Variants in ADAMTS17 observed in about 807,000 individuals in gnomAD.
The protein encoded by ADAMTS17 is ADAM metallopeptidase with thrombospondin type 1 motif 17.
Under a neutral mutation model 141.5 loss-of-function variants are expected in ADAMTS17, and 113 were observed. The ratio of observed to expected loss-of-function variants is 0.80; its 90% CI spans 0.69 to 0.93. The LOEUF (loss-of-function observed/expected upper bound fraction) is 0.93. ADAMTS17 is among the 40% of genes least tolerant of loss of function. The probability of loss-of-function intolerance (pLI) is 0.00; values close to 1 mark genes in which losing one functional copy is unlikely to be tolerated. For missense variants in ADAMTS17, 1,659 were observed against 1,517.9 expected (o/e 1.09, Z -1.54); for synonymous variants, 768 against 630.6 (o/e 1.22, Z -3.27).
chr15:100,194,447 C>T (rs1270031736), intron 8 of ADAMTS17, among the ~76,000 whole-genome samples: 13 of 152,224 alleles, frequency 8.5e-5, no homozygotes, highest in Non-Finnish European at 1.5e-5. Flanking sequence ...TTCCAAATCA[C>T]AGCCAACAAT....
At chr15:100,167,020 G>GCTGCCTGATATTGTGGC (rs1166083666) in intron 8 of ADAMTS17, among the ~76,000 whole-genome samples, 1 of 152,218 alleles carries the variant, frequency 6.6e-6, no homozygotes. Context: ...CTCTATGTGG[G>GCTGCCTGATATTGTGGC]CTGCCTGATA....
At chr15:100,121,086 C>G (rs2037429002) in intron 12 of ADAMTS17, among the ~76,000 whole-genome samples, 1 of 152,108 alleles carries the variant, frequency 6.6e-6, no homozygotes. Flanking sequence ...GAAAAATCCA[C>G]CAGTTCAGAG....
At chr15:100,318,095 C>T (rs996343439) in intron 3 of ADAMTS17, among the ~76,000 whole-genome samples, 9 of 152,034 alleles carry the variant, frequency 5.9e-5, no homozygotes, top group Non-Finnish European at 8.8e-5. Context: ...ACTGAGGTGA[C>T]GGGTCAGAGT....
chr15:100,255,044 C>T (rs982191914), intron 6 of ADAMTS17, among the ~76,000 whole-genome samples: 1 of 152,158 alleles, frequency 6.6e-6, no homozygotes, highest in Non-Finnish European at 1.5e-5. Context: ...CTTAAAGCTC[C>T]CCAGGATCCC....
Position 99,971,635 on chromosome 15 carries a change from A to G in ADAMTS17, c.*2767T>C, listed in dbSNP as rs1007053202. 2 of 152,220 alleles carry G rather than the reference A, an allele frequency of 1.3e-5. No individual in the cohort carries two copies. The highest frequency in any genetic ancestry group is 2.4e-5 in the African/African-American group (1 of 41,446). 9.4% of individuals were successfully genotyped at this position (152,220 alleles called of 1,614,324 possible). A position where few individuals can be genotyped will look rare whatever the true frequency, so the allele number is the denominator to read the frequency against. On this transcript the variant is annotated 3_prime_UTR_variant, in exon 22 of 22. Coordinates refer to ENST00000268070, the MANE Select transcript of ADAMTS17 (RefSeq NM_139057.4). ...AAGTTAACGAATGGAAAATAGATAC[A>G]TTTGACTCTGAAACGAAAAAAGGAC...
chr15:100,336,831 G>A (rs991348398), intron 2 of ADAMTS17, among the ~76,000 whole-genome samples: 11 of 152,160 alleles, frequency 7.2e-5, no homozygotes, highest in Non-Finnish European at 1.3e-4. Flanking sequence ...CACAGGAGTC[G>A]TACACGTGCA....
chr15:100,318,888 G>T (rs2045644720), intron 3 of ADAMTS17, among the ~76,000 whole-genome samples: 1 of 152,240 alleles, frequency 6.6e-6, no homozygotes, highest in African/African-American at 2.4e-5. Context: ...CCCGCCCATG[G>T]CACAGGGGTG....
chr15:100,098,218 C>T (rs992210630), intron 14 of ADAMTS17, among the ~76,000 whole-genome samples: 4 of 151,728 alleles, frequency 2.6e-5, no homozygotes, highest in East Asian at 3.9e-4. Context: ...AATGCTTTGC[C>T]GGGGCTGACC....
At chr15:100,289,796 G>A (rs144687300) in intron 3 of ADAMTS17, among the ~76,000 whole-genome samples, 1 of 152,164 alleles carries the variant, frequency 6.6e-6, no homozygotes, top group East Asian at 1.9e-4. Flanking sequence ...GCAGAAAAAG[G>A]CTTGTGATAA....
intron 7 of ADAMTS17, among the ~76,000 whole-genome samples, chr15:100,205,816 C>T (rs187916520): frequency 2.4e-4 from 37 of 152,312 alleles, no homozygotes; most frequent in African/African-American, 4.3e-4. Flanking sequence ...GAGACAAAGG[C>T]GGTAGAAAGG....
chr15:99,999,069 C>T (rs889004529), intron 18 of ADAMTS17, among the ~76,000 whole-genome samples: 2 of 152,288 alleles, frequency 1.3e-5, no homozygotes, highest in South Asian at 2.1e-4. Context: ...AGCTGTCTCT[C>T]GCTTTCCGGT....
intron 4 of ADAMTS17, among the ~76,000 whole-genome samples, chr15:100,265,932 C>T (rs865902099): frequency 2.0e-5 from 3 of 152,152 alleles, no homozygotes; most frequent in South Asian, 2.1e-4. Context: ...TTGAACAGTG[C>T]TCCTTCCCCA....
intron 18 of ADAMTS17, among the ~76,000 whole-genome samples, chr15:100,043,489 C>G (rs1357388387): frequency 6.6e-6 from 1 of 152,190 alleles, no homozygotes; most frequent in Non-Finnish European, 1.5e-5. Context: ...ACCTGCAGAG[C>G]TCTGGCTCAT....
At chr15:100,198,040 G>A (rs2041186754) in intron 8 of ADAMTS17, among the ~76,000 whole-genome samples, 1 of 152,140 alleles carries the variant, frequency 6.6e-6, no homozygotes, top group African/African-American at 2.4e-5. Flanking sequence ...GAGGACTAGG[G>A]GAAGGACAGC....
chr15:100,205,905 AC>A (rs1229715647), intron 7 of ADAMTS17, among the ~76,000 whole-genome samples: 1 of 152,142 alleles, frequency 6.6e-6, no homozygotes, highest in Non-Finnish European at 1.5e-5. Flanking sequence ...TGTGCCAGGG[AC>A]CGAGCCCAGG....
At chr15:100,060,103 G>A (rs935814409) in intron 15 of ADAMTS17, among the ~76,000 whole-genome samples, 1 of 152,216 alleles carries the variant, frequency 6.6e-6, no homozygotes, top group Non-Finnish European at 1.5e-5. Flanking sequence ...GTGAAGAACA[G>A]GGGACTCCCC....
At position 100,224,821 on chromosome 15, in the gene ADAMTS17, C is replaced by T. The variant is rs562933745; in HGVS notation, c.1076-25398G>A. 5.9e-5 allele frequency among the ~76,000 whole-genome samples: 9 copies of T among 152,388 alleles called. No individual in the cohort carries two copies. The South Asian group carries it at 1.9e-3, about 32-fold the overall frequency. ...CCGGGGCCAACCCCAAGGCTCTCAACAGTCCTACTCTTTGTCAAAACAGGG... is the reference window on the plus strand; with the variant it reads ...CCGGGGCCAACCCCAAGGCTCTCAATAGTCCTACTCTTTGTCAAAACAGGG... On this transcript the variant is annotated intron_variant, in intron 7 of 21. Coordinates refer to ENST00000268070, the MANE Select transcript of ADAMTS17 (RefSeq NM_139057.4).
chr15:100,111,580 T>A (rs1262955145), intron 13 of ADAMTS17, among the ~76,000 whole-genome samples: 2 of 152,260 alleles, frequency 1.3e-5, no homozygotes, highest in Non-Finnish European at 2.9e-5. Flanking sequence ...CTCCACACAC[T>A]GGGCTGCCTC....
At chr15:100,309,758 C>A (rs1022579696) in intron 3 of ADAMTS17, among the ~76,000 whole-genome samples, 2 of 152,226 alleles carry the variant, frequency 1.3e-5, no homozygotes, top group Non-Finnish European at 2.9e-5. Context: ...CCTCTTTCCT[C>A]CTCTCCTCCA....
Sources: gnomAD v4.1 joint callset for allele counts (sites outside exome capture counted in the v4.1 genomes callset) on GRCh38, gnomAD v4.1.1 for gene constraint, MANE v1.5 for transcripts, NCBI Gene and HGNC (gene_info 2026-07-23, HGNC 2026-07-21) for gene names.